The following PCSK5 variants were observed in gnomAD, a reference collection of about 807,000 sequenced individuals.
PCSK5 encodes the protein proprotein convertase subtilisin/kexin type 5.
Under a neutral mutation model 233.2 loss-of-function variants are expected in PCSK5, and 129 were observed. The observed-to-expected ratio is 0.55, with a 90% CI of 0.48 to 0.64. PCSK5 has a LOEUF of 0.64. Among genes scored for constraint, PCSK5 ranks in the 30% least tolerant of loss-of-function variants. The probability of loss-of-function intolerance (pLI) is 0.00; values close to 1 mark genes in which losing one functional copy is unlikely to be tolerated. For missense variants in PCSK5, 2,076 were observed against 2,430.1 expected (o/e 0.85, Z 3.06); for synonymous variants, 825 against 879.2 (o/e 0.94, Z 1.09).
intron 36 of PCSK5, among the ~76,000 whole-genome samples, chr9:76,351,504 GA>G (rs1206849852): frequency 8.5e-5 from 9 of 105,964 alleles, no homozygotes; most frequent in South Asian, 3.5e-4. Context: ...AAGAAAGAAA[GA>G]AAGAAAGAAA....
intron 13 of PCSK5, among the ~76,000 whole-genome samples, chr9:76,171,753 G>A (rs528435513): frequency 6.6e-6 from 1 of 152,314 alleles, no homozygotes; most frequent in Non-Finnish European, 1.5e-5. Context: ...GTCACCTCCA[G>A]TCATTTTAGA....
intron 24 of PCSK5, among the ~76,000 whole-genome samples, chr9:76,250,047 C>T (rs1279013404): frequency 2.0e-5 from 3 of 152,164 alleles, no homozygotes; most frequent in Non-Finnish European, 2.9e-5. Flanking sequence ...TGGCTCACAC[C>T]TGTAATCCCA....
chr9:76,224,591 G>A (rs1008344308), intron 20 of PCSK5, among the ~76,000 whole-genome samples: 13 of 152,328 alleles, frequency 8.5e-5, no homozygotes, highest in Middle Eastern at 3.4e-3. Flanking sequence ...CACAGTGACA[G>A]GGAGTCACCT....
chr9:75,978,524 C>G (rs1826124933), intron 2 of PCSK5, among the ~76,000 whole-genome samples: 1 of 152,096 alleles, frequency 6.6e-6, no homozygotes, highest in Non-Finnish European at 1.5e-5. Flanking sequence ...GTATGTTTTC[C>G]CAGTTTGTTC....
intron 9 of PCSK5, among the ~76,000 whole-genome samples, chr9:76,122,279 C>T (rs1381380934): frequency 1.3e-5 from 2 of 150,932 alleles, no homozygotes; most frequent in Non-Finnish European, 3.0e-5. Flanking sequence ...AATTTCTTTC[C>T]TGTTTTCCTC....
intron 24 of PCSK5, among the ~76,000 whole-genome samples, chr9:76,255,828 C>T (rs1376780010): frequency 6.6e-6 from 1 of 152,106 alleles, no homozygotes; most frequent in Non-Finnish European, 1.5e-5. Flanking sequence ...GAGCAAGATC[C>T]TGTCTCAAAA....
At chr9:75,933,524 AG>A (rs1451018107) in intron 2 of PCSK5, among the ~76,000 whole-genome samples, 2 of 152,228 alleles carry the variant, frequency 1.3e-5, no homozygotes, top group African/African-American at 4.8e-5. Context: ...TAAAGCAAAA[AG>A]GCCCCTGTTT....
intron 35 of PCSK5, 33 bp from the exon 36 acceptor site, chr9:76,350,795 C>A: frequency 2.4e-6 from 3 of 1,248,378 alleles, no homozygotes; most frequent in South Asian, 1.2e-5. Flanking sequence ...AATCTAAGGT[C>A]AATCTCATAA....
At chr9:76,209,515 C>T (rs374624153) in intron 20 of PCSK5, 16 of 515,404 alleles carry the variant, frequency 3.1e-5, no homozygotes, top group Middle Eastern at 3.2e-4. Flanking sequence ...ATGTAGTAGG[C>T]GCTCAATAAT....
chr9:76,166,972 G>A (rs1823111718), intron 12 of PCSK5, among the ~76,000 whole-genome samples: 1 of 152,214 alleles, frequency 6.6e-6, no homozygotes, highest in South Asian at 2.1e-4. Context: ...TAATGACACA[G>A]CCATTTCTTC....
chr9:76,091,294 G>T (rs1229816731), intron 7 of PCSK5, among the ~76,000 whole-genome samples: 3 of 151,138 alleles, frequency 2.0e-5, no homozygotes, highest in Non-Finnish European at 4.4e-5. Context: ...ACATAGCCTT[G>T]CTTCTGTGCC....
chr9:76,098,620 A>C (rs1256006918), intron 8 of PCSK5, among the ~76,000 whole-genome samples: 1 of 152,214 alleles, frequency 6.6e-6, no homozygotes, highest in African/African-American at 2.4e-5. Context: ...CTATTGCTTC[A>C]AAGTAATTAT....
At chr9:75,928,617 A>ATG (rs1823622317) in intron 1 of PCSK5, among the ~76,000 whole-genome samples, 1 of 111,996 alleles carries the variant, frequency 8.9e-6, no homozygotes, top group Non-Finnish European at 1.8e-5. Flanking sequence ...ATATATATAT[A>ATG]TATATATATA....
intron 8 of PCSK5, among the ~76,000 whole-genome samples, chr9:76,102,895 C>T (rs1176044823): frequency 6.6e-6 from 1 of 152,176 alleles, no homozygotes; most frequent in Non-Finnish European, 1.5e-5. Context: ...TATTGTGCCT[C>T]TTGGTACATG....
chr9:76,098,078 C>T (rs370456276), intron 8 of PCSK5, among the ~76,000 whole-genome samples: 1 of 152,190 alleles, frequency 6.6e-6, no homozygotes, highest in East Asian at 1.9e-4. Flanking sequence ...TAATCCACAT[C>T]CATTCTATTC....
intron 17 of PCSK5, among the ~76,000 whole-genome samples, chr9:76,187,389 G>A (rs1404408021): frequency 2.0e-5 from 3 of 150,622 alleles, no homozygotes; most frequent in Non-Finnish European, 4.4e-5. Context: ...TTTTTTAAGA[G>A]ACAGAGTCTT....
intron 20 of PCSK5, chr9:76,194,878 T>C (rs1021902986): frequency 2.8e-6 from 1 of 363,454 alleles, no homozygotes; most frequent in Non-Finnish European, 5.7e-6. Flanking sequence ...AAGATGCTGC[T>C]GGAGTCACAG....
At chr9:75,971,790 G>A (rs190166946) in intron 2 of PCSK5, among the ~76,000 whole-genome samples, 9 of 148,436 alleles carry the variant, frequency 6.1e-5, no homozygotes, top group African/African-American at 1.2e-4. Flanking sequence ...TTTTTTTCTT[G>A]TAAATTTAAG....
At chr9:76,148,342 T>C (rs1296452321) in intron 10 of PCSK5, among the ~76,000 whole-genome samples, 1 of 61,846 alleles carries the variant, frequency 1.6e-5, no homozygotes, top group African/African-American at 7.3e-5. Context: ...AGGGAGGGAG[T>C]TTCTCTCTCC....
Sources: allele counts gnomAD v4.1 joint callset (sites outside exome capture counted in the v4.1 genomes callset), GRCh38; gene constraint gnomAD v4.1.1; transcripts MANE v1.5; gene names NCBI Gene and HGNC (gene_info 2026-07-23, HGNC 2026-07-21).